The following MEIS2 variants were observed in gnomAD, a reference collection of about 807,000 sequenced individuals.
The protein encoded by MEIS2 is Meis homeobox 2.
Under a neutral mutation model 58.6 loss-of-function variants are expected in MEIS2, and 9 were observed. The ratio of observed to expected loss-of-function variants is 0.15; its 90% confidence interval spans 0.09 to 0.27. MEIS2 has a LOEUF of 0.27. Ranked by LOEUF, MEIS2 falls within the 10% of genes least tolerant of loss-of-function variation. The probability of loss-of-function intolerance (pLI) is 1.00; values close to 1 mark genes in which losing one functional copy is unlikely to be tolerated. For synonymous variants in MEIS2, 221 were observed against 228.4 expected, an observed-to-expected ratio of 0.97 and a Z score of 0.29; for missense variants, 427 against 635.0, an observed-to-expected ratio of 0.67 and a Z score of 3.52.
chr15:36,955,177 T>C (rs1409289395), intron 8 of MEIS2, among the ~76,000 whole-genome samples: 1 of 152,206 alleles, frequency 6.6e-6, no homozygotes, highest in Non-Finnish European at 1.5e-5. Flanking sequence ...AGAATTCCTA[T>C]GCTATGAATA....
At position 36,904,399 on chromosome 15, in the gene MEIS2, G is replaced by A. The variant is rs553464415; in HGVS notation, c.978-7713C>T. 3.5e-4 allele frequency among the ~76,000 whole-genome samples: 53 copies of A among 151,864 alleles called. 1 individual carries two copies. The highest frequency in any genetic ancestry group is 3.4e-3 in the Admixed American group (52 of 15,222). On this transcript the variant is annotated intron_variant, in intron 9 of 11. Coordinates refer to ENST00000561208, the MANE Select transcript of MEIS2 (RefSeq NM_170675.5). ...GAATGGACTGTGGCCAGCAAGCCTG[G>A]GGCATAAACACACCTGTATGAAAGA...
chr15:37,000,382 C>G (rs2141594524), intron 8 of MEIS2, among the ~76,000 whole-genome samples: 1 of 152,222 alleles, frequency 6.6e-6, no homozygotes, highest in East Asian at 1.9e-4. Flanking sequence ...CACCATTACC[C>G]AAGCTTGCCA....
intron 8 of MEIS2, among the ~76,000 whole-genome samples, chr15:37,031,893 C>A (rs2061944446): frequency 6.8e-6 from 1 of 147,586 alleles, no homozygotes; most frequent in African/African-American, 2.5e-5. Flanking sequence ...GGCTGGAGTA[C>A]AGTGGTTCCA....
intron 11 of MEIS2, among the ~76,000 whole-genome samples, chr15:36,892,877 T>A (rs2055950967): frequency 6.6e-6 from 1 of 152,216 alleles, no homozygotes; most frequent in African/African-American, 2.4e-5. Flanking sequence ...AAAATTGACA[T>A]CTTATCATAT....
intron 9 of MEIS2, among the ~76,000 whole-genome samples, chr15:36,930,596 T>C (rs990343860): frequency 6.6e-5 from 10 of 152,220 alleles, no homozygotes; most frequent in South Asian, 4.1e-4. Flanking sequence ...TCTGAGGTTA[T>C]GTTTAGCACA....
chr15:37,011,575 A>G (rs1360454531), intron 8 of MEIS2, among the ~76,000 whole-genome samples: 1 of 151,642 alleles, frequency 6.6e-6, no homozygotes, highest in Admixed American at 6.6e-5. Context: ...ATATGAAAAA[A>G]GATTATGTTT....
intron 8 of MEIS2, among the ~76,000 whole-genome samples, chr15:36,971,553 A>AAAAAAAAAG (rs2059569483): frequency 7.6e-6 from 1 of 131,992 alleles, no homozygotes; most frequent in African/African-American, 3.4e-5. Flanking sequence ...AAAAAAAAAA[A>AAAAAAAAAG]AAAAAAAAAA....
At chr15:36,958,483 C>T (rs2059068185) in intron 8 of MEIS2, among the ~76,000 whole-genome samples, 1 of 152,094 alleles carries the variant, frequency 6.6e-6, no homozygotes, top group African/African-American at 2.4e-5. Context: ...CTAACAGAAT[C>T]AAGTGAGTTT....
intron 8 of MEIS2, chr15:36,972,821 AAAAGCAGT>A (rs1409548393): frequency 6.6e-6 from 1 of 152,122 alleles, no homozygotes; most frequent in Non-Finnish European, 1.5e-5. Context: ...TCTGTGCATG[AAAAGCAGT>A]AAAGCCCCGA....
intron 7 of MEIS2, among the ~76,000 whole-genome samples, chr15:37,060,598 C>T (rs905119153): frequency 6.6e-6 from 1 of 151,896 alleles, no homozygotes; most frequent in African/African-American, 2.4e-5. Context: ...ATGACACAGA[C>T]TCAAAAAGAA....
At chr15:37,042,839 T>C (rs936182976) in intron 7 of MEIS2, among the ~76,000 whole-genome samples, 1 of 152,190 alleles carries the variant, frequency 6.6e-6, no homozygotes, top group African/African-American at 2.4e-5. Context: ...AAGTGAAGAC[T>C]CTGACATGGA....
At chr15:36,916,495 G>A (rs2057288503) in intron 9 of MEIS2, among the ~76,000 whole-genome samples, 1 of 151,198 alleles carries the variant, frequency 6.6e-6, no homozygotes, top group African/African-American at 2.4e-5. Flanking sequence ...GCAGTGGTGT[G>A]ATCATAGCTC....
intron 7 of MEIS2, among the ~76,000 whole-genome samples, chr15:37,074,123 CTGAG>C (rs1891060281): frequency 6.6e-6 from 1 of 151,938 alleles, no homozygotes; most frequent in Non-Finnish European, 1.5e-5. Context: ...AAAATTCCAA[CTGAG>C]TGAGTTCTAA....
At chr15:37,100,797 G>A (rs1895032255), upstream of MEIS2, 1 of 151,450 alleles carries the variant, frequency 6.6e-6, no homozygotes, top group African/African-American at 2.4e-5. Context: ...GAGAGAAGAG[G>A]ACAGGGAGAG....
intron 8 of MEIS2, among the ~76,000 whole-genome samples, chr15:37,003,358 C>A (rs545794454): frequency 6.6e-6 from 1 of 151,960 alleles, no homozygotes; most frequent in African/African-American, 2.4e-5. Flanking sequence ...ACAACAACAA[C>A]AACAAAAACA....
At chr15:36,949,007 G>C (rs1411034052) in intron 9 of MEIS2, among the ~76,000 whole-genome samples, 1 of 152,024 alleles carries the variant, frequency 6.6e-6, no homozygotes, top group East Asian at 1.9e-4. Context: ...TAATCACCCT[G>C]ACAGAAGCAA....
chr15:36,984,805 G>T (rs1440334863), intron 8 of MEIS2, among the ~76,000 whole-genome samples: 4 of 151,952 alleles, frequency 2.6e-5, no homozygotes, highest in Admixed American at 2.0e-4. Flanking sequence ...CCTCTTCATG[G>T]TTCACTCTTG....
intron 9 of MEIS2, among the ~76,000 whole-genome samples, chr15:36,927,256 TG>T (rs1220049601): frequency 1.3e-5 from 2 of 151,692 alleles, no homozygotes; most frequent in South Asian, 2.1e-4. Context: ...TGAGTGATGA[TG>T]GGGGGGTCTG....
At chr15:36,999,610 G>A (rs2060649366) in intron 8 of MEIS2, among the ~76,000 whole-genome samples, 1 of 152,108 alleles carries the variant, frequency 6.6e-6, no homozygotes, top group Non-Finnish European at 1.5e-5. Flanking sequence ...AAGTTTTCAT[G>A]TTTCCAGCTG....
Sources: allele counts gnomAD v4.1 joint callset (sites outside exome capture counted in the v4.1 genomes callset), GRCh38; gene constraint gnomAD v4.1.1; transcripts MANE v1.5; gene names NCBI Gene and HGNC (gene_info 2026-07-23, HGNC 2026-07-21).